HDAC4: variants seen among roughly 807,000 people sequenced by gnomAD.
The protein encoded by HDAC4 is histone deacetylase 4, also known as histone deacetylase A.
Under a neutral mutation model 135.1 loss-of-function variants are expected in HDAC4, and 16 were observed. The ratio of observed to expected loss-of-function variants is 0.12; its 90% confidence interval spans 0.08 to 0.18. The LOEUF (loss-of-function observed/expected upper bound fraction) is 0.18. HDAC4 is among the 10% of genes least tolerant of loss of function. The pLI is 1.00. For synonymous variants in HDAC4, 685 were observed against 653.4 expected, an observed-to-expected ratio of 1.05 and a Z score of -0.74; for missense variants, 1,143 against 1,511.8, an observed-to-expected ratio of 0.76 and a Z score of 4.05.
At chr2:239,163,513 C>T (rs746786458) in intron 6 of HDAC4, among the ~76,000 whole-genome samples, 19 of 151,902 alleles carry the variant, frequency 1.3e-4, no homozygotes, top group Non-Finnish European at 2.6e-4. Flanking sequence ...CCCCAGACCA[C>T]GTCACTATGG....
At position 239,357,727 on chromosome 2, in the gene HDAC4, T is replaced by TAA. The variant is rs144659253; in HGVS notation, c.-219-4811_-219-4810dup. Among the ~76,000 whole-genome samples, 21 of 148,478 alleles carry TAA rather than the reference T, an allele frequency of 1.4e-4. No homozygotes were observed. The East Asian group carries it at 2.0e-3, about 14-fold the overall frequency. On this transcript the variant is annotated intron_variant, in intron 1 of 26. Transcript: ENST00000543185. ...TGTGAAACCCTGTCTCGACAAAAAATAATAAAAAAAAATAAGCTGGGCATG... is the reference window on the plus strand; with the variant it reads ...TGTGAAACCCTGTCTCGACAAAAAATAAAATAAAAAAAAATAAGCTGGGCATG...
chr2:239,120,008 G>C (rs2039498316), intron 12 of HDAC4, among the ~76,000 whole-genome samples: 1 of 91,090 alleles, frequency 1.1e-5, no homozygotes, highest in African/African-American at 3.0e-5. Flanking sequence ...CCGTGGACAG[G>C]AGAGTGAGCA....
chr2:239,172,335 C>T (rs1992899), intron 5 of HDAC4, among the ~76,000 whole-genome samples: 112,731 of 147,522 alleles, frequency 0.76, 43,186 homozygotes, highest in South Asian at 0.92. Context: ...AAAACATACA[C>T]TAAAGGCAAG....
At chr2:239,127,222 C>G (rs1202370309) in intron 11 of HDAC4, among the ~76,000 whole-genome samples, 1 of 152,174 alleles carries the variant, frequency 6.6e-6, no homozygotes, top group Non-Finnish European at 1.5e-5. Context: ...ATTTTATGCA[C>G]AAAGATGGCG....
chr2:239,291,335 C>T (rs1487733711), intron 2 of HDAC4, among the ~76,000 whole-genome samples: 1 of 152,196 alleles, frequency 6.6e-6, no homozygotes. Context: ...AGGCCAGCTG[C>T]GACACCACAG....
At chr2:239,081,305 G>T (rs2035298814) in intron 21 of HDAC4, 113 bp from the exon 22 acceptor site, 2 of 837,204 alleles carry the variant, frequency 2.4e-6, no homozygotes, top group Admixed American at 2.0e-5. Context: ...GGCCCCTGGG[G>T]AGAGCCCACG....
intron 1 of HDAC4, among the ~76,000 whole-genome samples, chr2:239,380,343 CATAT>C (rs1354249066): frequency 9.2e-5 from 14 of 151,956 alleles, no homozygotes; most frequent in East Asian, 1.9e-4. Context: ...TTAAATTATA[CATAT>C]GTTATAAATA....
intron 2 of HDAC4, among the ~76,000 whole-genome samples, chr2:239,315,974 C>G (rs1365882904): frequency 6.6e-6 from 1 of 152,188 alleles, no homozygotes; most frequent in Admixed American, 6.5e-5. Context: ...TGAGCAGTTA[C>G]TTGCAATACA....
At chr2:239,224,641 T>C (rs2047142693) in intron 3 of HDAC4, among the ~76,000 whole-genome samples, 1 of 152,100 alleles carries the variant, frequency 6.6e-6, no homozygotes, top group African/African-American at 2.4e-5. Context: ...TTTCCTCTCT[T>C]CCTCCCAGGG....
chr2:239,308,798 G>A lies in HDAC4; in HGVS notation c.22+43880C>T, dbSNP rs1469904524. 6.6e-6 allele frequency among the ~76,000 whole-genome samples: 1 copy of A among 152,130 alleles called. No individual in the cohort carries two copies. Among genetic ancestry groups the A allele is most frequent in the Non-Finnish European group, 1.5e-5 (1 of 68,026 alleles). ...CCCCCAGGGCCTGTACCTGTAGCAG[G>A]AGGCTCACGTTCCGAGTCCTCATTG... On this transcript the variant is annotated intron_variant, in intron 2 of 26. Transcript: ENST00000543185. The surrounding 1 kb of genome is among the most constrained non-coding windows in gnomAD (Gnocchi z 4.2).
intron 2 of HDAC4, among the ~76,000 whole-genome samples, chr2:239,269,416 G>A (rs2049937821): frequency 1.3e-5 from 2 of 152,250 alleles, no homozygotes; most frequent in Admixed American, 1.3e-4. Context: ...CCAAGGAAGG[G>A]TGGGGTCTGA....
chr2:239,372,374 G>C (rs1045621729), intron 1 of HDAC4, among the ~76,000 whole-genome samples: 1 of 152,224 alleles, frequency 6.6e-6, no homozygotes, highest in African/African-American at 2.4e-5. Context: ...ATTTACAAAA[G>C]TCGTTGTTAC....
rs753219923 is a variant in HDAC4, at chr2:239,352,030, G to T, written c.22+648C>A. On this transcript the variant is annotated intron_variant, in intron 2 of 26. Coordinates refer to ENST00000543185, the MANE Select transcript of HDAC4 (RefSeq NM_001378414.1). This position sits in a 1 kb window ranked among gnomAD's most constrained non-coding sequence, Gnocchi z 4.4. ...TTCCAAGGACAGAAAGTGTGAAGTC[G>T]TAAATGGATGGGCCCATGACATGCT... is the stretch of plus-strand genomic sequence containing the variant. Among the ~76,000 whole-genome samples, 16 of 152,180 alleles carry T rather than the reference G, an allele frequency of 1.1e-4. No homozygotes were observed. Among genetic ancestry groups the T allele is most frequent in the Non-Finnish European group, 1.9e-4 (13 of 68,036 alleles).
intron 1 of HDAC4, among the ~76,000 whole-genome samples, chr2:239,365,604 G>C (rs1461685991): frequency 6.6e-6 from 1 of 151,522 alleles, no homozygotes; most frequent in African/African-American, 2.4e-5. Context: ...ACTTGCACAG[G>C]CCAGGGTCAT....
intron 22 of HDAC4, among the ~76,000 whole-genome samples, chr2:239,076,109 A>G (rs2034730207): frequency 6.6e-6 from 1 of 151,074 alleles, no homozygotes; most frequent in African/African-American, 2.4e-5. Flanking sequence ...GCTTCCGGGG[A>G]AACAAAGCTG....
chr2:239,397,754 G>A (rs1486861326), intron 1 of HDAC4, among the ~76,000 whole-genome samples: 2 of 152,202 alleles, frequency 1.3e-5, no homozygotes, highest in South Asian at 2.1e-4. Flanking sequence ...AGTGACACTT[G>A]TTCCCACAGA....
At chr2:239,158,600 C>G (rs535647973) in intron 6 of HDAC4, among the ~76,000 whole-genome samples, 77 of 152,156 alleles carry the variant, frequency 5.1e-4, no homozygotes, top group African/African-American at 1.7e-3. Flanking sequence ...GCCCTGCCCC[C>G]CAACTGCCAG....
At chr2:239,082,291 C>G in intron 20 of HDAC4, 70 bp from the exon 21 acceptor site, 1 of 1,594,688 alleles carries the variant, frequency 6.3e-7, no homozygotes, top group Non-Finnish European at 8.6e-7. Context: ...TGAGGGCCGT[C>G]CCCAACCCCA....
rs1359295436 is a variant in HDAC4, at chr2:239,384,733, A to G, written c.-220+16245T>C. Among the ~76,000 whole-genome samples the G allele has an allele frequency of 2.0e-5, 3 of 152,222 alleles. No homozygotes were observed. The East Asian group carries it at 5.8e-4, about 29-fold the overall frequency. The stretch of plus-strand genomic sequence containing the variant: ...GCTTTGTTTCAGTGGACATGGCCCC[A>G]GCACCATATACCCCACGGCTCTGTC... On this transcript the variant is annotated intron_variant, in intron 1 of 26. Transcript: ENST00000543185.
Sources: allele counts gnomAD v4.1 joint callset (sites outside exome capture counted in the v4.1 genomes callset), GRCh38; gene constraint gnomAD v4.1.1; non-coding constraint Gnocchi (gnomAD v3.1); transcripts MANE v1.5; gene names NCBI Gene and HGNC (gene_info 2026-07-23, HGNC 2026-07-21).